The following NRG3 variants were observed in gnomAD, a reference collection of about 807,000 sequenced individuals.
NRG3 encodes the protein pro-neuregulin-3, membrane-bound isoform.
Under a neutral mutation model 66.9 loss-of-function variants are expected in NRG3, and 31 were observed. That is an observed-to-expected ratio of 0.46 (90% confidence interval 0.35 to 0.63). The LOEUF is 0.63. Among genes scored for constraint, NRG3 ranks in the 20% least tolerant of loss-of-function variants. The probability of loss-of-function intolerance (pLI) is 0.00; values close to 1 mark genes in which losing one functional copy is unlikely to be tolerated. For missense variants in NRG3, 910 were observed against 878.9 expected, an observed-to-expected ratio of 1.04 and a Z score of -0.45; for synonymous variants, 393 against 359.4, an observed-to-expected ratio of 1.09 and a Z score of -1.06.
At chr10:82,036,625 A>G (rs1227228918) in intron 1 of NRG3, among the ~76,000 whole-genome samples, 10 of 152,132 alleles carry the variant, frequency 6.6e-5, no homozygotes, top group Admixed American at 5.9e-4. Context: ...CATAAATGAG[A>G]CCTACTCTTA....
chr10:81,940,211 T>A (rs1434466313), intron 1 of NRG3, among the ~76,000 whole-genome samples: 3 of 152,146 alleles, frequency 2.0e-5, no homozygotes, highest in Non-Finnish European at 4.4e-5. Context: ...GAGAGTGTTT[T>A]GCATATGCTT....
intron 2 of NRG3, among the ~76,000 whole-genome samples, chr10:82,508,821 G>A (rs1844907698): frequency 6.6e-6 from 1 of 152,102 alleles, no homozygotes; most frequent in African/African-American, 2.4e-5. Context: ...CCCATTCCTG[G>A]GTCCTTCTCT....
intron 1 of NRG3, among the ~76,000 whole-genome samples, chr10:81,902,804 C>G (rs1844204367): frequency 6.6e-6 from 1 of 152,144 alleles, no homozygotes; most frequent in Admixed American, 6.5e-5. Flanking sequence ...CTCTGCCTCT[C>G]TAGGATTAAA....
At chr10:82,906,222 G>A (rs907613603) in intron 4 of NRG3, among the ~76,000 whole-genome samples, 3 of 152,166 alleles carry the variant, frequency 2.0e-5, no homozygotes, top group Non-Finnish European at 4.4e-5. Flanking sequence ...AAACCAGCAA[G>A]AATCTTCAGG....
At chr10:82,250,649 A>G (rs2077441272) in intron 1 of NRG3, among the ~76,000 whole-genome samples, 1 of 152,220 alleles carries the variant, frequency 6.6e-6, no homozygotes, top group Non-Finnish European at 1.5e-5. Context: ...CCCTGCTTCC[A>G]GGAAGCCTTG....
In NRG3 at chr10:81,991,793, TTTCTC is replaced by T. The variant is rs2060752547; in HGVS notation, c.823+115633_823+115637del. Among the ~76,000 whole-genome samples, 5 of 152,258 alleles carry T rather than the reference TTTCTC, an allele frequency of 3.3e-5. No homozygotes were observed. In the South Asian group the frequency reaches 1.0e-3, roughly 32 times the overall value. Reference sequence around the variant, plus strand: ...ATTCAGTATACATTTTGCTATTACTTTTCTCTTAAGTAAAATAATATCTATCACCC... The same window carrying T: ...ATTCAGTATACATTTTGCTATTACTTTTAAGTAAAATAATATCTATCACCC... On this transcript the variant is annotated intron_variant, in intron 1 of 8. Transcript: ENST00000372141.
At chr10:82,815,847 G>T (rs1212725181) in intron 3 of NRG3, among the ~76,000 whole-genome samples, 1 of 152,280 alleles carries the variant, frequency 6.6e-6, no homozygotes. Flanking sequence ...AGGGGTGTGT[G>T]GGCAAGCAAG....
At chr10:82,470,228 G>A (rs975152485) in intron 2 of NRG3, among the ~76,000 whole-genome samples, 1 of 152,188 alleles carries the variant, frequency 6.6e-6, no homozygotes, top group Non-Finnish European at 1.5e-5. Flanking sequence ...AATATTTGCA[G>A]TAAAGATATC....
chr10:82,534,193 C>A (rs1847583604), intron 2 of NRG3, among the ~76,000 whole-genome samples: 1 of 150,856 alleles, frequency 6.6e-6, no homozygotes, highest in Non-Finnish European at 1.5e-5. Context: ...CTACCCAAAG[C>A]AATCTACAAA....
chr10:82,185,001 A>G (rs2073708137), intron 1 of NRG3, among the ~76,000 whole-genome samples: 1 of 152,162 alleles, frequency 6.6e-6, no homozygotes, highest in Non-Finnish European at 1.5e-5. Flanking sequence ...ACACAGTGCA[A>G]GTAAAAGGCA....
At chr10:82,392,807 A>C (rs1353878363) in intron 2 of NRG3, among the ~76,000 whole-genome samples, 1 of 151,990 alleles carries the variant, frequency 6.6e-6, no homozygotes, top group Non-Finnish European at 1.5e-5. Flanking sequence ...TGCTGAATGG[A>C]CTCCACACTG....
intron 2 of NRG3, among the ~76,000 whole-genome samples, chr10:82,687,492 C>G (rs2054601788): frequency 6.6e-6 from 1 of 152,088 alleles, no homozygotes; most frequent in African/African-American, 2.4e-5. Flanking sequence ...TAATACAGAT[C>G]TCTTATTTCA....
intron 2 of NRG3, among the ~76,000 whole-genome samples, chr10:82,471,483 A>G (rs1466333523): frequency 6.6e-6 from 1 of 152,220 alleles, no homozygotes; most frequent in African/African-American, 2.4e-5. Context: ...CCTCTGGCCC[A>G]GTTTAAATGA....
chr10:82,494,510 C>T lies in NRG3; in HGVS notation c.953+135642C>T, dbSNP rs10400200. 1.3e-3 allele frequency among the ~76,000 whole-genome samples: 196 copies of T among 151,460 alleles called. 1 individual carries two copies. The highest frequency in any genetic ancestry group is 4.3e-3 in the African/African-American group (176 of 41,238). On this transcript the variant is annotated intron_variant, in intron 2 of 8. Transcript: ENST00000372141. The stretch of plus-strand genomic sequence containing the variant: ...GTGTGTGTGTGTGTGTATGGATTTG[C>T]GTGAGAATTAGATATTAACATTAAA...
intron 3 of NRG3, among the ~76,000 whole-genome samples, chr10:82,745,634 T>G (rs2058609415): frequency 6.6e-6 from 1 of 152,196 alleles, no homozygotes. Context: ...CCATTAATTC[T>G]GTCAGGTTGT....
intron 1 of NRG3, among the ~76,000 whole-genome samples, chr10:82,341,382 A>G (rs904618828): frequency 6.6e-6 from 1 of 151,990 alleles, no homozygotes; most frequent in African/African-American, 2.4e-5. Flanking sequence ...TTGCCTTTCT[A>G]TGGATGAGGT....
At chr10:82,308,126 C>T (rs892060768) in intron 1 of NRG3, among the ~76,000 whole-genome samples, 15 of 152,142 alleles carry the variant, frequency 9.9e-5, no homozygotes, top group African/African-American at 3.4e-4. Flanking sequence ...AGTTTTTGAA[C>T]TCCGAGTTGG....
At chr10:82,608,212 G>A (rs989905741) in intron 2 of NRG3, among the ~76,000 whole-genome samples, 1 of 152,056 alleles carries the variant, frequency 6.6e-6, no homozygotes, top group Non-Finnish European at 1.5e-5. Flanking sequence ...TAGCTTGGTG[G>A]GTTTTTTGTT....
At chr10:81,959,697 G>A (rs1850173002) in intron 1 of NRG3, among the ~76,000 whole-genome samples, 1 of 151,884 alleles carries the variant, frequency 6.6e-6, no homozygotes, top group Non-Finnish European at 1.5e-5. Context: ...GATACAGAAG[G>A]GCTTGTGAAA....
Sources: gnomAD v4.1 joint callset for allele counts (sites outside exome capture counted in the v4.1 genomes callset) on GRCh38, gnomAD v4.1.1 for gene constraint, MANE v1.5 for transcripts, NCBI Gene and HGNC (gene_info 2026-07-23, HGNC 2026-07-21) for gene names.